The following SSTR2 variants were observed in gnomAD, a reference collection of about 807,000 sequenced individuals.
The protein encoded by SSTR2 is somatostatin receptor type 2.
In SSTR2, 10 loss-of-function variants were observed where a neutral mutation model predicts 21.4. That is an observed-to-expected ratio of 0.47 (90% confidence interval 0.29 to 0.79). The LOEUF is 0.79. Among genes scored for constraint, SSTR2 ranks in the 30% least tolerant of loss-of-function variants. The probability of loss-of-function intolerance (pLI) is 0.10; values close to 1 mark genes in which losing one functional copy is unlikely to be tolerated. For synonymous variants in SSTR2, 177 were observed against 181.3 expected (o/e 0.98, Z 0.19); for missense variants, 364 against 468.8 (o/e 0.78, Z 2.06).
Position 73,169,552 on chromosome 17 carries a change from CCAA to C in SSTR2, c.236_238del (p.Asn79del), listed in dbSNP as rs1568285962. 1 of 1,614,270 alleles carries C rather than the reference CCAA, an allele frequency of 6.2e-7. No individual in the cohort carries two copies. Among genetic ancestry groups the C allele is most frequent in the South Asian group, 1.1e-5 (1 of 91,084 alleles). On this transcript the variant is annotated inframe_deletion, in exon 2 of 2. Transcript: ENST00000357585. This position sits in a 1 kb window ranked among gnomAD's most constrained non-coding sequence, Gnocchi z 5.2. ...CGCTATGCCAAGATGAAGACCATCA[CCAA>C]CATTTACATCCTCAACCTGGCCATC...
In SSTR2 at chr17:73,169,544, G is replaced by A; in HGVS notation, c.225G>A (p.Lys75=). The A allele has an allele frequency of 1.2e-6, 2 of 1,614,266 alleles. No homozygotes were observed. The highest frequency in any genetic ancestry group is 1.7e-6 in the Non-Finnish European group (2 of 1,180,056). Residue 75 remains lysine (K), a synonymous_variant, in exon 2 of 2, where the codon AAG becomes AAA. Transcript: ENST00000357585. The surrounding 1 kb of genome is among the most constrained non-coding windows in gnomAD (Gnocchi z 5.2). ...IYVILRYAKM[K]TITNIYILNL... ...TCATCCTCCGCTATGCCAAGATGAA[G>A]ACCATCACCAACATTTACATCCTCA... is the stretch of plus-strand genomic sequence containing the variant.
chr17:73,171,574 G>A lies in SSTR2; in HGVS notation c.*1145G>A, dbSNP rs1441049019. 6.0e-6 allele frequency: 1 copy of A among 166,720 alleles called. No homozygotes were observed. Among genetic ancestry groups the A allele is most frequent in the Admixed American group, 6.5e-5 (1 of 15,272 alleles). 10.3% of individuals were successfully genotyped at this position (166,720 alleles called of 1,614,324 possible). The stretch of plus-strand genomic sequence containing the variant: ...AAAGAAAATGGAAATGTAATTCGAC[G>A]ACTCCTCAAAGGGGACTTTAGAGGA... On this transcript the variant is annotated 3_prime_UTR_variant, in exon 2 of 2. Transcript: ENST00000357585.
chr17:73,170,370 A>G lies in SSTR2; in HGVS notation c.1051A>G (p.Asn351Asp). 6.2e-7 allele frequency: 1 copy of G among 1,614,022 alleles called. No homozygotes were observed. The highest frequency in any genetic ancestry group is 1.3e-5 in the African/African-American group (1 of 74,978). ...CAGTAAGCAGGACAAATCCCGGCTGAATGAGACCACGGAGACCCAGAGGAC... is the reference window on the plus strand; with the variant it reads ...CAGTAAGCAGGACAAATCCCGGCTGGATGAGACCACGGAGACCCAGAGGAC... ...SDSKQDKSRL[N>D]ETTETQRTLL... Residue 351 changes from asparagine to aspartate, a missense_variant, in exon 2 of 2, where the codon AAT (asparagine) becomes GAT (aspartate). By Grantham distance (23) the Asn-to-Asp change is conservative (BLOSUM62 1). Transcript: ENST00000357585.
chr17:73,170,505 T>G lies in SSTR2; in HGVS notation c.*76T>G. 3.2e-6 allele frequency: 5 copies of G among 1,552,670 alleles called. No homozygotes were observed. Among genetic ancestry groups the G allele is most frequent in the Middle Eastern group, 1.7e-4 (1 of 5,812 alleles). On this transcript the variant is annotated 3_prime_UTR_variant, in exon 2 of 2. Transcript: ENST00000357585. ...GGGCTCCCTACCCACACTGGCTTCC[T>G]GCCTCCCACCCCTCACACCTGGCTT... is the stretch of plus-strand genomic sequence containing the variant.
In SSTR2 at chr17:73,173,947, G is replaced by A. The variant is rs2061242502; in HGVS notation, c.*3518G>A. 6.6e-6 allele frequency: 1 copy of A among 152,126 alleles called. No homozygotes were observed. Among genetic ancestry groups the A allele is most frequent in the African/African-American group, 2.4e-5 (1 of 41,408 alleles). The allele number at this position is 152,126 out of a possible 1,614,324, so 9.4% of individuals were successfully genotyped here. On this transcript the variant is annotated 3_prime_UTR_variant, in exon 2 of 2. Transcript: ENST00000357585. The stretch of plus-strand genomic sequence containing the variant: ...AGTTCAAGACCAGCCTGGCCAACAT[G>A]GGGAAACCCTGTCTCTACTAAGAAT...
rs2061239244 is a variant in SSTR2, at chr17:73,172,811, T to C, written c.*2382T>C. 2 of 152,188 alleles carry C rather than the reference T, an allele frequency of 1.3e-5. No homozygotes were observed. The highest frequency in any genetic ancestry group is 2.4e-5 in the African/African-American group (1 of 41,450). 9.4% of individuals were successfully genotyped at this position (152,188 alleles called of 1,614,324 possible). On this transcript the variant is annotated 3_prime_UTR_variant, in exon 2 of 2. Coordinates refer to ENST00000357585, the MANE Select transcript of SSTR2 (RefSeq NM_001050.3). The stretch of plus-strand genomic sequence containing the variant: ...TTTAGACCTAACTTTACAATTATTA[T>C]AACATAAGATGTTCCAGGGTCCTTG...
chr17:73,165,422 G>A (rs1397286009), intron 1 of SSTR2, 134 bp downstream of exon 1: 1 of 152,250 alleles, frequency 6.6e-6, no homozygotes, highest in Non-Finnish European at 1.5e-5. Context: ...GAGTGCCTGA[G>A]CTTAGGTCCC....
In SSTR2 at chr17:73,169,850, C is replaced by A. The variant is rs775138925; in HGVS notation, c.531C>A (p.Ile177=). 2.5e-6 allele frequency: 4 copies of A among 1,614,126 alleles called. No individual in the cohort carries two copies. The highest frequency in any genetic ancestry group is 1.7e-4 in the Middle Eastern group (1 of 6,060). Residue 177 remains isoleucine, a synonymous_variant, in exon 2 of 2, where the codon ATC becomes ATA. Coordinates refer to ENST00000357585, the MANE Select transcript of SSTR2 (RefSeq NM_001050.3). The surrounding 1 kb of genome is among the most constrained non-coding windows in gnomAD (Gnocchi z 5.2). ...TCTCTCTGCTGGTCATCTTGCCCATCATGATATATGCTGGGCTCCGGAGCA... is the reference window on the plus strand; with the variant it reads ...TCTCTCTGCTGGTCATCTTGCCCATAATGATATATGCTGGGCTCCGGAGCA... ...WGVSLLVILP[I]MIYAGLRSNQ...
At chr17:73,167,246 G>T (rs2061219430) in intron 1 of SSTR2, among the ~76,000 whole-genome samples, 1 of 152,158 alleles carries the variant, frequency 6.6e-6, no homozygotes. Context: ...ATGCAGACAT[G>T]AAATTCCAGG....
rs2061238706 is a variant in SSTR2, at chr17:73,172,554, T to C, written c.*2125T>C. The C allele has an allele frequency of 6.6e-6, 1 of 152,066 alleles. No homozygotes were observed. The highest frequency in any genetic ancestry group is 6.5e-5 in the Admixed American group (1 of 15,268). 9.4% of individuals were successfully genotyped at this position (152,066 alleles called of 1,614,324 possible). ...AAGTACTTCCTGTGGCTCAGAAAAA[T>C]ATGTTCAATAAGATTTTGGATAGAT... is the stretch of plus-strand genomic sequence containing the variant. On this transcript the variant is annotated 3_prime_UTR_variant, in exon 2 of 2. Coordinates refer to ENST00000357585, the MANE Select transcript of SSTR2 (RefSeq NM_001050.3).
At chr17:73,167,058 T>A (rs2236752) in intron 1 of SSTR2, among the ~76,000 whole-genome samples, 40,581 of 152,012 alleles carry the variant, frequency 0.27, 5,676 homozygotes, top group Middle Eastern at 0.4. Context: ...GAAATCCCCA[T>A]GATAAGGTAC....
chr17:73,170,721 G>GA lies in SSTR2; in HGVS notation c.*299dup, dbSNP rs1302515511. On this transcript the variant is annotated 3_prime_UTR_variant, in exon 2 of 2. Coordinates refer to ENST00000357585, the MANE Select transcript of SSTR2 (RefSeq NM_001050.3). ...ATGATCTTTAGAAACAACAAAAATA[G>GA]AAAAAAATAAGTATCTGTGTGTTTG... 7.0e-6 allele frequency: 4 copies of GA among 575,496 alleles called. No individual in the cohort carries two copies. The highest frequency in any genetic ancestry group is 1.3e-5 in the Non-Finnish European group (4 of 296,798). The allele number at this position is 575,496 out of a possible 1,614,324, so 35.6% of individuals were successfully genotyped here.
In SSTR2 at chr17:73,169,399, C is replaced by T. The variant is rs4988465; in HGVS notation, c.80C>T (p.Ser27Leu). The T allele has an allele frequency of 2.1e-4, 339 of 1,614,198 alleles. 1 individual carries two copies. In the African/African-American group the frequency reaches 3.4e-3, roughly 16 times the overall value. Residue 27 changes from serine to leucine, a missense_variant, in exon 2 of 2, where the codon TCA (serine) becomes TTA (leucine). Physicochemically the swap from Ser to Leu is moderately radical, Grantham distance 145. Transcript: ENST00000357585. This position sits in a 1 kb window ranked among gnomAD's most constrained non-coding sequence, Gnocchi z 5.2. The part of the protein sequence containing the change: ...IPFDLNGSVV[S>L]TNTSNQTEPY... ...TTTGACCTCAATGGCTCTGTGGTGT[C>T]AACCAACACCTCAAACCAGACAGAG... is the stretch of plus-strand genomic sequence containing the variant.
chr17:73,170,213 G>C lies in SSTR2; in HGVS notation c.894G>C (p.Val298=). Reference sequence around the variant, plus strand: ...TTAAAGGCATGTTTGACTTTGTGGTGGTCCTCACCTATGCTAACAGCTGTG... The same window carrying C: ...TTAAAGGCATGTTTGACTTTGTGGTCGTCCTCACCTATGCTAACAGCTGTG... The part of the protein sequence containing the change: ...PALKGMFDFV[V]VLTYANSCAN... Residue 298 remains valine (V), a synonymous_variant, in exon 2 of 2, where the codon GTG becomes GTC. Transcript: ENST00000357585. 6.2e-7 allele frequency: 1 copy of C among 1,614,082 alleles called. No homozygotes were observed. Among genetic ancestry groups the C allele is most frequent in the African/African-American group, 1.3e-5 (1 of 75,004 alleles).
chr17:73,167,950 CCAAT>C (rs1291795390), intron 1 of SSTR2: 5 of 152,168 alleles, frequency 3.3e-5, no homozygotes, highest in African/African-American at 7.2e-5. Context: ...CAATAGTGCT[CCAAT>C]TATTTTCTCA....
chr17:73,171,398 G>GA lies in SSTR2; in HGVS notation c.*972dup, dbSNP rs1234805659. The GA allele has an allele frequency of 4.8e-5, 8 of 166,810 alleles. No homozygotes were observed. The highest frequency in any genetic ancestry group is 1.3e-4 in the Admixed American group (2 of 15,280). 10.3% of individuals were successfully genotyped at this position (166,810 alleles called of 1,614,324 possible). ...TATGAGGGGGAAAAATCACTAACAT[G>GA]AAAGGCAAAAAATGGACTATGATTC... On this transcript the variant is annotated 3_prime_UTR_variant, in exon 2 of 2. Coordinates refer to ENST00000357585, the MANE Select transcript of SSTR2 (RefSeq NM_001050.3).
At position 73,175,639 on chromosome 17, in the gene SSTR2, G is replaced by C. The variant is rs2061247160; in HGVS notation, c.*5210G>C. The C allele has an allele frequency of 6.6e-6, 1 of 152,170 alleles. No individual in the cohort carries two copies. The highest frequency in any genetic ancestry group is 1.5e-5 in the Non-Finnish European group (1 of 68,102). The allele number at this position is 152,170 out of a possible 1,614,324, so 9.4% of individuals were successfully genotyped here. ...CTTTCCTGGACGGGCTGCGTTGGGG[G>C]GAGGTGCAGGGAAAGAACACCTCTT... On this transcript the variant is annotated 3_prime_UTR_variant, in exon 2 of 2. Transcript: ENST00000357585.
rs2061237037 is a variant in SSTR2, at chr17:73,171,963, A to G, written c.*1534A>G. 1 of 147,060 alleles carries G rather than the reference A, an allele frequency of 6.8e-6. No individual in the cohort carries two copies. Among genetic ancestry groups the G allele is most frequent in the Non-Finnish European group, 1.5e-5 (1 of 66,752 alleles). The allele number at this position is 147,060 out of a possible 1,614,324, so 9.1% of individuals were successfully genotyped here. A position where few individuals can be genotyped will look rare whatever the true frequency, so the allele number is the denominator to read the frequency against. ...AAAAAAAAAAAAAAAAAAAAGGAAA[A>G]CCACAATGCGTACTAAAGACCAGAA... On this transcript the variant is annotated 3_prime_UTR_variant, in exon 2 of 2. Coordinates refer to ENST00000357585, the MANE Select transcript of SSTR2 (RefSeq NM_001050.3).
chr17:73,166,161 A>G (rs981108752), intron 1 of SSTR2, among the ~76,000 whole-genome samples: 11 of 152,078 alleles, frequency 7.2e-5, no homozygotes, highest in African/African-American at 2.7e-4. Flanking sequence ...CCATTTCTCA[A>G]CCCCGTAGGC....
Sources: allele counts gnomAD v4.1 joint callset (sites outside exome capture counted in the v4.1 genomes callset), GRCh38; gene constraint gnomAD v4.1.1; non-coding constraint Gnocchi (gnomAD v3.1); transcripts MANE v1.5; gene names NCBI Gene and HGNC (gene_info 2026-07-23, HGNC 2026-07-21).